The following CDKN2B-AS1 variants were observed in gnomAD, a reference collection of about 807,000 sequenced individuals.
CDKN2B-AS1 encodes CDKN2B antisense RNA 1 (non-protein coding).
intron 1 of CDKN2B-AS1, among the ~76,000 whole-genome samples, chr9:22,026,990 C>G (rs1353438322): frequency 1.3e-5 from 2 of 152,118 alleles, no homozygotes; most frequent in African/African-American, 2.4e-5. Flanking sequence ...GGGCTGTCTT[C>G]CTGCCTTGAT....
chr9:22,100,108 A>C (rs1039433421), intron 4 of CDKN2B-AS1, among the ~76,000 whole-genome samples: 1 of 152,146 alleles, frequency 6.6e-6, no homozygotes, highest in African/African-American at 2.4e-5. Context: ...TATTTTATTG[A>C]CTATATTTTA....
chr9:22,018,876 C>G (rs992022450), intron 1 of CDKN2B-AS1, among the ~76,000 whole-genome samples: 8 of 152,122 alleles, frequency 5.3e-5, no homozygotes, highest in African/African-American at 1.9e-4. Flanking sequence ...AGGTGATAAA[C>G]AATTCAGAGA....
intron 4 of CDKN2B-AS1, among the ~76,000 whole-genome samples, chr9:22,070,449 A>G (rs1158768613): frequency 6.6e-6 from 1 of 152,230 alleles, no homozygotes; most frequent in Non-Finnish European, 1.5e-5. Context: ...CAGTCAAGAT[A>G]GGTAGGAAGG....
intron 3 of CDKN2B-AS1, among the ~76,000 whole-genome samples, chr9:22,053,687 C>A (rs759862543): frequency 3.3e-5 from 5 of 152,136 alleles, no homozygotes; most frequent in Admixed American, 6.6e-5. Context: ...GGAGCAAGAA[C>A]ATTCAAAAAT....
At chr9:22,004,192 C>T (rs929800525) in intron 1 of CDKN2B-AS1, 9 of 232,304 alleles carry the variant, frequency 3.9e-5, no homozygotes, top group African/African-American at 2.0e-4. Context: ...TGCTCTGATT[C>T]TCAACTAACT....
At chr9:22,033,836 CT>C (rs1480545954) in intron 1 of CDKN2B-AS1, among the ~76,000 whole-genome samples, 2 of 152,164 alleles carry the variant, frequency 1.3e-5, no homozygotes, top group African/African-American at 4.8e-5. Flanking sequence ...GTGCCAGATG[CT>C]TTGTTGGCAC....
At chr9:22,115,503 C>A (rs375107562) in intron 4 of CDKN2B-AS1, among the ~76,000 whole-genome samples, 3 of 152,084 alleles carry the variant, frequency 2.0e-5, no homozygotes, top group South Asian at 2.1e-4. Flanking sequence ...CGAAGAGAAA[C>A]CTGAAAAAAG....
intron 4 of CDKN2B-AS1, among the ~76,000 whole-genome samples, chr9:22,089,482 C>T (rs1182771239): frequency 1.3e-5 from 2 of 152,036 alleles, no homozygotes; most frequent in African/African-American, 2.4e-5. Context: ...CAGGCTGGAC[C>T]GGAGTGGCTC....
At chr9:22,125,600 A>C (rs1818003905) in intron 4 of CDKN2B-AS1, among the ~76,000 whole-genome samples, 1 of 152,236 alleles carries the variant, frequency 6.6e-6, no homozygotes. Context: ...TAGTGAAGGA[A>C]ATGTAAATTG....
intron 1 of CDKN2B-AS1, among the ~76,000 whole-genome samples, chr9:22,021,389 A>T (rs1407226964): frequency 1.3e-5 from 2 of 151,968 alleles, no homozygotes; most frequent in Non-Finnish European, 2.9e-5. Context: ...TCTGCTTAGG[A>T]TTGGTTTGGA....
intron 4 of CDKN2B-AS1, among the ~76,000 whole-genome samples, chr9:22,099,859 C>T (rs960067828): frequency 4.6e-5 from 7 of 152,068 alleles, no homozygotes; most frequent in South Asian, 2.1e-4. Context: ...ATGCATAAAG[C>T]GTCTCTAGAA....
rs1379121488 is a variant in CDKN2B-AS1, at chr9:22,039,243, A to G, written n.30-7508A>G. On this transcript the variant is annotated intron_variant and non_coding_transcript_variant, in intron 1 of 4. Coordinates refer to ENST00000650946, the Ensembl canonical transcript of CDKN2B-AS1. The surrounding 1 kb of genome is among the most constrained non-coding windows in gnomAD (Gnocchi z 4.4). Reference sequence around the variant, plus strand: ...AACTAGAATCATTAATATCTCAGTCAGGGGAAGCCATGTCAACTTACTGGT... The same window carrying G: ...AACTAGAATCATTAATATCTCAGTCGGGGGAAGCCATGTCAACTTACTGGT... Among the ~76,000 whole-genome samples the G allele has an allele frequency of 2.6e-5, 4 of 152,012 alleles. No individual in the cohort carries two copies. The highest frequency in any genetic ancestry group is 5.9e-5 in the Non-Finnish European group (4 of 67,960).
At chr9:22,081,069 A>G (rs914584991) in intron 4 of CDKN2B-AS1, among the ~76,000 whole-genome samples, 17 of 152,152 alleles carry the variant, frequency 1.1e-4, no homozygotes, top group Non-Finnish European at 2.2e-4. Flanking sequence ...GTTCTGTTCT[A>G]TGCTTTAAAT....
At chr9:22,017,449 C>A (rs1056118174) in intron 1 of CDKN2B-AS1, among the ~76,000 whole-genome samples, 1 of 152,204 alleles carries the variant, frequency 6.6e-6, no homozygotes, top group Non-Finnish European at 1.5e-5. Flanking sequence ...ATGTGCTAGG[C>A]AAGTTTGAGC....
chr9:22,114,287 C>T (rs1825881507), intron 4 of CDKN2B-AS1, among the ~76,000 whole-genome samples: 1 of 152,188 alleles, frequency 6.6e-6, no homozygotes, highest in African/African-American at 2.4e-5. Flanking sequence ...ATCAAATCAT[C>T]CTAAATACAT....
At chr9:22,050,015 G>A (rs1210986070) in intron 3 of CDKN2B-AS1, among the ~76,000 whole-genome samples, 2 of 152,034 alleles carry the variant, frequency 1.3e-5, no homozygotes, top group African/African-American at 2.4e-5. Context: ...TCAAACCAAG[G>A]GGTGAATTTT....
At chr9:22,020,992 G>A (rs1821991362) in intron 1 of CDKN2B-AS1, among the ~76,000 whole-genome samples, 1 of 152,078 alleles carries the variant, frequency 6.6e-6, no homozygotes, top group Non-Finnish European at 1.5e-5. Context: ...GTCTTCCAGG[G>A]TTTTGATAGT....
intron 4 of CDKN2B-AS1, among the ~76,000 whole-genome samples, chr9:22,069,733 T>G (rs897213841): frequency 6.6e-6 from 1 of 152,200 alleles, no homozygotes; most frequent in Non-Finnish European, 1.5e-5. Context: ...TCATAGTCAC[T>G]CTACTGTGCA....
At chr9:22,015,466 C>A (rs1101330) in intron 1 of CDKN2B-AS1, among the ~76,000 whole-genome samples, 39,305 of 151,902 alleles carry the variant, frequency 0.26, 6,664 homozygotes, top group Non-Finnish European at 0.38. Flanking sequence ...GAATCCTTTA[C>A]TTTTTAATAT....
Sources: allele counts gnomAD v4.1 joint callset (sites outside exome capture counted in the v4.1 genomes callset), GRCh38; gene constraint gnomAD v4.1.1; non-coding constraint Gnocchi (gnomAD v3.1); transcripts MANE v1.5; gene names NCBI Gene and HGNC (gene_info 2026-07-23, HGNC 2026-07-21).